FAM184A: variants seen among roughly 807,000 people sequenced by gnomAD.
The protein encoded by FAM184A is protein FAM184A.
In FAM184A, 99 loss-of-function variants were observed where a neutral mutation model predicts 143.8. The observed-to-expected ratio is 0.69, with a 90% CI of 0.58 to 0.81. FAM184A has a LOEUF of 0.81. Ranked by LOEUF, FAM184A falls within the 40% of genes least tolerant of loss-of-function variation. FAM184A has a pLI of 0.00. For synonymous variants in FAM184A, 427 were observed against 446.4 expected (o/e 0.96, Z 0.55); for missense variants, 1,217 against 1,310.5 (o/e 0.93, Z 1.10).
At chr6:119,021,714 A>G (rs1785452858) in intron 3 of FAM184A, among the ~76,000 whole-genome samples, 1 of 152,082 alleles carries the variant, frequency 6.6e-6, no homozygotes, top group South Asian at 2.1e-4. Flanking sequence ...GGTGGCTCAC[A>G]CCTGAAATCC....
intron 1 of FAM184A, among the ~76,000 whole-genome samples, chr6:119,107,736 C>CCA (rs1788823186): frequency 6.7e-6 from 1 of 149,240 alleles, no homozygotes; most frequent in African/African-American, 2.5e-5. Flanking sequence ...CGAGATCTCG[C>CCA]CACTGCACTC....
intron 1 of FAM184A, among the ~76,000 whole-genome samples, chr6:119,077,154 C>G (rs1787902596): frequency 1.3e-5 from 2 of 152,152 alleles, no homozygotes; most frequent in South Asian, 4.1e-4. Context: ...TTACTTCACT[C>G]TCTCAAAAGT....
chr6:119,080,711 A>C (rs890919732), upstream of FAM184A, among the ~76,000 whole-genome samples: 1 of 152,204 alleles, frequency 6.6e-6, no homozygotes, highest in Admixed American at 6.5e-5. Context: ...TCCAATGAGC[A>C]GTTCCTCTGA....
chr6:119,041,951 A>G (rs1052249870), intron 1 of FAM184A, among the ~76,000 whole-genome samples: 1 of 152,032 alleles, frequency 6.6e-6, no homozygotes, highest in Non-Finnish European at 1.5e-5. Context: ...GAGGCTAAGA[A>G]CCCCAGGTCA....
In FAM184A at chr6:118,975,022, A is replaced by G. The variant is rs868411325; in HGVS notation, c.2768+2T>C. ...TTCCTTCTGTTGTACTTAATGGCAT[A>G]CCTTATCTGTTGGTTAGATTCACTT... On this transcript the variant is annotated splice_donor_variant, in intron 13 of 17. Coordinates refer to ENST00000338891, the MANE Select transcript of FAM184A (RefSeq NM_024581.6). LOFTEE classifies it high-confidence loss of function. The G allele has an allele frequency of 1.1e-5, 18 of 1,609,334 alleles. No individual in the cohort carries two copies. The highest frequency in any genetic ancestry group is 1.7e-5 in the Admixed American group (1 of 59,738).
At chr6:118,973,811 A>G (rs948150512) in intron 14 of FAM184A, among the ~76,000 whole-genome samples, 6 of 152,208 alleles carry the variant, frequency 3.9e-5, no homozygotes, top group African/African-American at 1.2e-4. Flanking sequence ...GGTTTTAACA[A>G]TACTGTAGTT....
In FAM184A at chr6:119,126,654, G is replaced by C. The variant is rs146057460; in HGVS notation, c.-202+22424C>G. The stretch of plus-strand genomic sequence containing the variant: ...TAACAGTCAGTGCTCTTTTAGTTTT[G>C]CTGTCCACGGACAGCTTATGTGTTT... On this transcript the variant is annotated intron_variant, in intron 1 of 16. Coordinates refer to the FAM184A transcript ENST00000352896. Among the ~76,000 whole-genome samples the C allele has an allele frequency of 3.4e-3, 519 of 152,326 alleles. 3 individuals carry two copies. Among genetic ancestry groups the C allele is most frequent in the African/African-American group, 0.012 (488 of 41,586 alleles).
At chr6:118,960,756 A>C in intron 17 of FAM184A, 1 of 1,349,386 alleles carries the variant, frequency 7.4e-7, no homozygotes, top group South Asian at 1.2e-5. Flanking sequence ...TAAGAAAACA[A>C]AAGAATCCCT....
At chr6:118,976,125 A>C in intron 11 of FAM184A, 81 bp from the exon 12 acceptor site, 2 of 1,374,522 alleles carry the variant, frequency 1.5e-6, no homozygotes, top group Non-Finnish European at 2.0e-6. Context: ...AGAAGTAAAA[A>C]ATTATTTCAA....
chr6:119,043,717 A>G (rs1162179926), intron 1 of FAM184A, among the ~76,000 whole-genome samples: 4 of 152,238 alleles, frequency 2.6e-5, no homozygotes, highest in African/African-American at 9.6e-5. Context: ...CTTTGGGAGA[A>G]TGGGCAGGAA....
At chr6:119,122,271 T>C (rs677341) in intron 1 of FAM184A, among the ~76,000 whole-genome samples, 139,002 of 152,274 alleles carry the variant, frequency 0.91, 63,504 homozygotes, top group East Asian at 1. Flanking sequence ...ATTAATAGGG[T>C]TTCTAGAGGA....
Position 119,024,517 on chromosome 6 carries a change from C to T in FAM184A, c.456G>A (p.Val152=). Residue 152 remains valine (V), a synonymous_variant, in exon 2 of 18, where the codon GTG becomes GTA. Coordinates refer to ENST00000338891, the MANE Select transcript of FAM184A (RefSeq NM_024581.6). ...TCTCTTCGACTTCTCTAGACATGGT[C>T]ACTATGCGTTGGACATGCTGGGCTT... The part of the protein sequence containing the change: ...CAEAQHVQRI[V]TMSREVEEIR... 1 of 1,613,842 alleles carries T rather than the reference C, an allele frequency of 6.2e-7. No homozygotes were observed. Among genetic ancestry groups the T allele is most frequent in the Middle Eastern group, 1.6e-4 (1 of 6,062 alleles).
chr6:119,025,747 G>A (rs6929403), intron 1 of FAM184A: 162,126 of 393,550 alleles, frequency 0.41, 35,283 homozygotes, highest in East Asian at 0.69. Context: ...CCCCGGAAGC[G>A]AAAAGAAGTA....
At chr6:119,012,028 G>A (rs1442639246) in intron 5 of FAM184A, among the ~76,000 whole-genome samples, 1 of 152,134 alleles carries the variant, frequency 6.6e-6, no homozygotes, top group Admixed American at 6.5e-5. Context: ...GACATGCATA[G>A]GGAGTACGGG....
rs538527842 is a variant in FAM184A, at chr6:119,022,881, AAAAT to A, written c.1150+60_1150+63del. On this transcript the variant is annotated intron_variant, in intron 3 of 17. Coordinates refer to ENST00000338891, the MANE Select transcript of FAM184A (RefSeq NM_024581.6). Reference sequence around the variant, plus strand: ...GACAGAGCAAGACTCTGTCTCCAAAAAAATAAATAAATAAAGTGTTGATTTTAGC... The same window carrying A: ...GACAGAGCAAGACTCTGTCTCCAAAAAAATAAATAAAGTGTTGATTTTAGC... 1.5e-4 allele frequency: 240 copies of A among 1,598,404 alleles called. No homozygotes were observed. The African/African-American group carries it at 2.1e-3, about 14-fold the overall frequency.
In FAM184A at chr6:118,986,246, T is replaced by C. The variant is rs112720623; in HGVS notation, c.2089-5896A>G. Among the ~76,000 whole-genome samples the C allele has an allele frequency of 1.6e-4, 25 of 152,150 alleles. 1 individual carries two copies. Among genetic ancestry groups the C allele is most frequent in the African/African-American group, 6.0e-4 (25 of 41,494 alleles). On this transcript the variant is annotated intron_variant, in intron 9 of 17. Coordinates refer to ENST00000338891, the MANE Select transcript of FAM184A (RefSeq NM_024581.6). Reference sequence around the variant, plus strand: ...AGGCAGAGCTTGCAGTGAGCCGAGATTGCGCCACTGCACTCCAGCCTGGGC... The same window carrying C: ...AGGCAGAGCTTGCAGTGAGCCGAGACTGCGCCACTGCACTCCAGCCTGGGC...
chr6:119,141,651 AT>A (rs1772240660), intron 1 of FAM184A, among the ~76,000 whole-genome samples: 1 of 151,658 alleles, frequency 6.6e-6, no homozygotes, highest in Non-Finnish European at 1.5e-5. Flanking sequence ...TAGTTTTTGT[AT>A]TTTTAGTAGA....
intron 1 of FAM184A, among the ~76,000 whole-genome samples, chr6:119,077,491 G>C (rs1011867554): frequency 3.3e-5 from 5 of 152,170 alleles, no homozygotes; most frequent in African/African-American, 9.7e-5. Flanking sequence ...TTTAGGTACA[G>C]TCCTAAACTA....
rs1784813690 is a variant in FAM184A, at chr6:119,003,065, T to C, written c.1938-16A>G. ...ACACTCTTGTCTAAAATAAAACAAC[T>C]GCATTTACTTTGTAAAGAGAATTAT... On this transcript the variant is annotated splice_polypyrimidine_tract_variant and intron_variant, in intron 8 of 17. Coordinates refer to ENST00000338891, the MANE Select transcript of FAM184A (RefSeq NM_024581.6). 6.3e-7 allele frequency: 1 copy of C among 1,582,156 alleles called. No individual in the cohort carries two copies. Among genetic ancestry groups the C allele is most frequent in the South Asian group, 1.2e-5 (1 of 85,490 alleles).
Sources: gnomAD v4.1 joint callset for allele counts (sites outside exome capture counted in the v4.1 genomes callset) on GRCh38, gnomAD v4.1.1 for gene constraint, MANE v1.5 for transcripts, NCBI Gene and HGNC (gene_info 2026-07-23, HGNC 2026-07-21) for gene names.